The following WDPCP variants were observed in gnomAD, a reference collection of about 807,000 sequenced individuals.
The protein encoded by WDPCP is WD repeat-containing and planar cell polarity effector protein fritz homolog.
Under a neutral mutation model 93.1 loss-of-function variants are expected in WDPCP, and 71 were observed. That is an observed-to-expected ratio of 0.76 (90% CI 0.63 to 0.93). The LOEUF (loss-of-function observed/expected upper bound fraction) is 0.93, where lower values mean the gene tolerates loss of function less well. Among genes scored for constraint, WDPCP ranks in the 40% least tolerant of loss-of-function variants. WDPCP has a pLI of 0.00. For synonymous variants in WDPCP, 315 were observed against 315.0 expected (o/e 1.00, Z 0.00); for missense variants, 844 against 887.4 (o/e 0.95, Z 0.62).
At chr2:63,761,880 C>T (rs1191336989) in intron 2 of WDPCP, among the ~76,000 whole-genome samples, 4 of 152,074 alleles carry the variant, frequency 2.6e-5, no homozygotes, top group East Asian at 1.9e-4. Context: ...ATATGTTGTC[C>T]CCATTACTGG....
At chr2:63,522,455 GAC>G (rs112008719) in intron 1 of WDPCP, among the ~76,000 whole-genome samples, 5,063 of 127,232 alleles carry the variant, frequency 0.04, 107 homozygotes, top group Middle Eastern at 0.058. Flanking sequence ...CAGACAGACA[GAC>G]ACACACACAC....
intron 2 of WDPCP, among the ~76,000 whole-genome samples, chr2:63,753,420 C>T (rs2103890434): frequency 6.6e-6 from 1 of 152,152 alleles, no homozygotes; most frequent in Middle Eastern, 3.4e-3. Context: ...CAGTGCAAGA[C>T]TCCGTCTCGA....
At chr2:63,189,098 T>C (rs552351590) in intron 14 of WDPCP, among the ~76,000 whole-genome samples, 40 of 152,296 alleles carry the variant, frequency 2.6e-4, no homozygotes, top group African/African-American at 8.7e-4. Context: ...GTTTCTGTTG[T>C]AGTCCTCTGC....
chr2:63,482,421 T>C (rs2105893580), intron 6 of WDPCP, among the ~76,000 whole-genome samples: 1 of 152,096 alleles, frequency 6.6e-6, no homozygotes, highest in African/African-American at 2.4e-5. Flanking sequence ...CCATACTGGA[T>C]ATGTGCACAA....
At chr2:63,271,487 G>C (rs1421283022) in intron 13 of WDPCP, among the ~76,000 whole-genome samples, 1 of 152,180 alleles carries the variant, frequency 6.6e-6, no homozygotes, top group Admixed American at 6.5e-5. Context: ...TGAGGAGCCT[G>C]AGAATAGGTC....
chr2:63,718,120 GAT>G (rs899261875), intron 2 of WDPCP, among the ~76,000 whole-genome samples: 3 of 151,756 alleles, frequency 2.0e-5, no homozygotes, highest in Non-Finnish European at 2.9e-5. Flanking sequence ...TGATATATAT[GAT>G]ATATATATGT....
rs754308487 is a variant in WDPCP, at chr2:63,316,860, C to A, written c.1749-3549G>T. 2.1e-4 allele frequency among the ~76,000 whole-genome samples: 32 copies of A among 151,980 alleles called. 1 individual carries two copies. Among genetic ancestry groups the A allele is most frequent in the Non-Finnish European group, 4.0e-4 (27 of 67,992 alleles). ...ACAGCTTTGGCAAAGTTGCAGGATA[C>A]AAAATTAGTGCAAAATGAGTTGCAT... On this transcript the variant is annotated intron_variant, in intron 12 of 17. Coordinates refer to ENST00000272321, the MANE Select transcript of WDPCP (RefSeq NM_015910.7).
chr2:63,691,854 T>A (rs2168274), intron 2 of WDPCP, among the ~76,000 whole-genome samples: 90,858 of 151,420 alleles, frequency 0.6, 28,541 homozygotes, highest in African/African-American at 0.77. Flanking sequence ...ACAAGATTTT[T>A]AAAAATTATA....
At chr2:63,594,787 A>AACTG in intron 3 of WDPCP, 2 of 485,252 alleles carry the variant, frequency 4.1e-6, no homozygotes, top group Non-Finnish European at 7.4e-6. Flanking sequence ...TGCAAATGAG[A>AACTG]ACTCTTCCAT....
chr2:63,294,663 G>A (rs1684711239), intron 13 of WDPCP, among the ~76,000 whole-genome samples: 1 of 152,004 alleles, frequency 6.6e-6, no homozygotes, highest in Admixed American at 6.6e-5. Context: ...GACCTTGCCT[G>A]CAGGACATGT....
intron 2 of WDPCP, among the ~76,000 whole-genome samples, chr2:63,683,319 G>C (rs1668747721): frequency 6.6e-6 from 1 of 151,948 alleles, no homozygotes; most frequent in Admixed American, 6.6e-5. Flanking sequence ...GATAAAAAAA[G>C]CAAAACCCAC....
intron 1 of WDPCP, among the ~76,000 whole-genome samples, chr2:63,555,182 G>A (rs571018892): frequency 1.2e-4 from 18 of 152,326 alleles, no homozygotes; most frequent in South Asian, 2.1e-4. Context: ...GTTTGGACAC[G>A]GGAGGAATTC....
rs369286498 is a variant in WDPCP at position 63,527,370 on chromosome 2, C to G, written c.76-34430G>C. Among the ~76,000 whole-genome samples, 9 of 115,080 alleles carry G rather than the reference C, an allele frequency of 7.8e-5. No individual in the cohort carries two copies. The East Asian group carries it at 2.5e-3, about 33-fold the overall frequency. The allele number at this position is 115,080 out of a possible 152,430, so 75.5% of individuals were successfully genotyped here. ...TACGTCCTAATGCTCTCCCTCCCCC[C>G]ACCCCCAACCAACGACAGGCCCTGG... is the stretch of plus-strand genomic sequence containing the variant. On this transcript the variant is annotated intron_variant, in intron 1 of 17. Transcript: ENST00000272321.
chr2:63,550,545 G>C (rs903731543), intron 1 of WDPCP, among the ~76,000 whole-genome samples: 13 of 151,726 alleles, frequency 8.6e-5, no homozygotes, highest in Admixed American at 6.6e-4. Context: ...TTTTCCTTAA[G>C]TACCATTTTT....
chr2:63,313,887 T>TG (rs1268057820), intron 12 of WDPCP, among the ~76,000 whole-genome samples: 7 of 57,648 alleles, frequency 1.2e-4, no homozygotes, highest in East Asian at 3.5e-4. Flanking sequence ...TATATATATA[T>TG]TTTTTTTTTT....
At chr2:63,340,816 G>C (rs1163461099) in intron 12 of WDPCP, among the ~76,000 whole-genome samples, 1 of 152,108 alleles carries the variant, frequency 6.6e-6, no homozygotes, top group African/African-American at 2.4e-5. Context: ...CTGGTTTTCT[G>C]TGGGAGGGGG....
intron 12 of WDPCP, among the ~76,000 whole-genome samples, chr2:63,363,089 ATTC>A (rs1354174633): frequency 2.6e-5 from 4 of 152,128 alleles, no homozygotes; most frequent in Non-Finnish European, 5.9e-5. Context: ...CAAAATAATT[ATTC>A]TTGTTTTTGT....
intron 12 of WDPCP, among the ~76,000 whole-genome samples, chr2:63,355,032 G>A (rs1575211915): frequency 6.6e-6 from 1 of 152,156 alleles, no homozygotes; most frequent in Non-Finnish European, 1.5e-5. Flanking sequence ...AGGATATGGT[G>A]CATGAAAACT....
chr2:63,128,024 A>T (rs1219366088), intron 17 of WDPCP, among the ~76,000 whole-genome samples: 2 of 152,060 alleles, frequency 1.3e-5, no homozygotes, highest in South Asian at 4.2e-4. Context: ...CTGTAATCCC[A>T]GCTACTCTGG....
Sources: gnomAD v4.1 joint callset for allele counts (sites outside exome capture counted in the v4.1 genomes callset) on GRCh38, gnomAD v4.1.1 for gene constraint, MANE v1.5 for transcripts, NCBI Gene and HGNC (gene_info 2026-07-23, HGNC 2026-07-21) for gene names.